Variants in HADHA observed in about 807,000 individuals in gnomAD.
HADHA encodes the protein hydroxyacyl-CoA dehydrogenase trifunctional multienzyme complex subunit alpha.
Under a neutral mutation model 91.3 loss-of-function variants are expected in HADHA, and 59 were observed. That is an observed-to-expected ratio of 0.65 (90% confidence interval 0.52 to 0.80). The LOEUF is 0.80. Ranked by LOEUF, HADHA falls within the 30% of genes least tolerant of loss-of-function variation. The pLI is 0.00. For synonymous variants in HADHA, 320 were observed against 338.9 expected, an observed-to-expected ratio of 0.94 and a Z score of 0.61; for missense variants, 800 against 927.6, an observed-to-expected ratio of 0.86 and a Z score of 1.79.
chr2:26,195,673 C>T lies in HADHA; in HGVS notation c.1480-441G>A, dbSNP rs118090758. 9.7e-4 allele frequency among the ~76,000 whole-genome samples: 147 copies of T among 152,262 alleles called. 2 individuals are homozygous for T. The East Asian group carries it at 0.025, about 26-fold the overall frequency. On this transcript the variant is annotated intron_variant, in intron 14 of 19. Transcript: ENST00000380649. ...ATTTGCATTTTACACAGATGGGTCT[C>T]ACCACCAGGATACTAGGTTTAACTA...
chr2:26,202,249 C>A (rs1441281572), intron 12 of HADHA, among the ~76,000 whole-genome samples: 1 of 152,124 alleles, frequency 6.6e-6, no homozygotes, highest in Non-Finnish European at 1.5e-5. Flanking sequence ...GAAAAGGATT[C>A]CTGTTATTCA....
chr2:26,195,257 C>G (rs1450217881), intron 14 of HADHA, 25 bp from the exon 15 acceptor site: 2 of 1,605,478 alleles, frequency 1.2e-6, no homozygotes, highest in Non-Finnish European at 8.5e-7. Context: ...CAAAAGCCAA[C>G]AGATCGGAGA....
rs1267615713 is a variant in HADHA, at chr2:26,194,614, TG to T, written c.1644del (p.Arg549GlyfsTer6). 1 of 1,611,946 alleles carries T rather than the reference TG, an allele frequency of 6.2e-7. No individual in the cohort carries two copies. The highest frequency in any genetic ancestry group is 1.7e-5 in the Admixed American group (1 of 60,004). On this transcript the variant is annotated frameshift_variant, in exon 16 of 20. Coordinates refer to ENST00000380649, the MANE Select transcript of HADHA (RefSeq NM_000182.5). LOFTEE classifies it high-confidence loss of function. ...TCAGACATCATGGGCGCAAGACACC[TG>T]GTAGTATAGAAGCCAGGTCCATCCT... ...VVKDGPGFYT[T>X]RCLAPMMSEV...
rs1373370048 is a variant in HADHA at position 26,221,695 on chromosome 2, T to C, written c.677-6520A>G. Among the ~76,000 whole-genome samples the C allele has an allele frequency of 1.3e-5, 2 of 152,136 alleles. No individual in the cohort carries two copies. The highest frequency in any genetic ancestry group is 2.9e-5 in the Non-Finnish European group (2 of 68,030). On this transcript the variant is annotated intron_variant, in intron 7 of 19. Transcript: ENST00000380649. This position sits in a 1 kb window ranked among gnomAD's most constrained non-coding sequence, Gnocchi z 4.8. ...GGGGAGTTCTCTATGGCCAGTTGATTGGTAAAGAAAAACTCAGGCCTGGTT... is the reference window on the plus strand; with the variant it reads ...GGGGAGTTCTCTATGGCCAGTTGATCGGTAAAGAAAAACTCAGGCCTGGTT...
At chr2:26,200,926 G>T (rs1030802386) in intron 13 of HADHA, among the ~76,000 whole-genome samples, 3 of 151,992 alleles carry the variant, frequency 2.0e-5, no homozygotes, top group African/African-American at 7.3e-5. Flanking sequence ...TAGAGATGGG[G>T]TTTCATCATA....
chr2:26,232,476 A>G (rs1320883308), intron 5 of HADHA, among the ~76,000 whole-genome samples, 197 bp from the exon 6 acceptor site: 4 of 152,244 alleles, frequency 2.6e-5, no homozygotes, highest in Admixed American at 2.0e-4. Flanking sequence ...TAATTTACTA[A>G]CCTCTTTTTG....
intron 7 of HADHA, among the ~76,000 whole-genome samples, chr2:26,225,583 T>C (rs1032511734): frequency 6.6e-6 from 1 of 152,140 alleles, no homozygotes; most frequent in Admixed American, 6.5e-5. Context: ...GAAGCAAGGC[T>C]AGTTCAATAT....
At chr2:26,203,938 A>T in intron 12 of HADHA, 124 bp downstream of exon 12, 1 of 955,050 alleles carries the variant, frequency 1.0e-6, no homozygotes, top group Non-Finnish European at 1.7e-6. Flanking sequence ...CATTATGTTC[A>T]GGAAAAAGGA....
At chr2:26,200,764 G>A (rs980969206) in intron 13 of HADHA, among the ~76,000 whole-genome samples, 2 of 148,414 alleles carry the variant, frequency 1.3e-5, no homozygotes, top group African/African-American at 5.0e-5. Context: ...ATGGAGTCTC[G>A]CTCTGTCACC....
intron 1 of HADHA, among the ~76,000 whole-genome samples, chr2:26,242,743 A>G (rs1486466968): frequency 6.6e-6 from 1 of 152,166 alleles, no homozygotes; most frequent in African/African-American, 2.4e-5. Flanking sequence ...CAGAAGTCAG[A>G]CTCCAAACAA....
chr2:26,227,733 G>A (rs1490177620), intron 7 of HADHA, among the ~76,000 whole-genome samples: 1 of 152,122 alleles, frequency 6.6e-6, no homozygotes, highest in African/African-American at 2.4e-5. Context: ...TTCTTGGGAG[G>A]CTGAGGCAGG....
intron 5 of HADHA, 22 bp downstream of exon 5, chr2:26,234,195 A>C (rs1266508295): frequency 6.2e-7 from 1 of 1,609,558 alleles, no homozygotes; most frequent in African/African-American, 1.3e-5. Flanking sequence ...ACAGTGTCTC[A>C]ATAACTTTAG....
intron 11 of HADHA, among the ~76,000 whole-genome samples, chr2:26,209,545 G>A (rs1037313606): frequency 6.6e-6 from 1 of 152,174 alleles, no homozygotes; most frequent in Non-Finnish European, 1.5e-5. Flanking sequence ...ACATCAATAT[G>A]TGACAAGAAA....
intron 5 of HADHA, among the ~76,000 whole-genome samples, chr2:26,233,875 G>A (rs1339846509): frequency 6.6e-6 from 1 of 152,214 alleles, no homozygotes; most frequent in East Asian, 1.9e-4. Context: ...GAGGTCAGGA[G>A]TTTGAGACCA....
Position 26,204,214 on chromosome 2 carries a change from AATGACTTTCGGTAAACTG to A in HADHA, c.1086-36_1086-19del. On this transcript the variant is annotated intron_variant, in intron 11 of 19. Coordinates refer to ENST00000380649, the MANE Select transcript of HADHA (RefSeq NM_000182.5). ...CCAGATGCCTGCAAGGCAAGGATGAAATGACTTTCGGTAAACTGATCTTAATCATTTCAGTCAAAGTGG... is the reference window on the plus strand; with the variant it reads ...CCAGATGCCTGCAAGGCAAGGATGAAATCTTAATCATTTCAGTCAAAGTGG... 2.5e-6 allele frequency: 4 copies of A among 1,613,236 alleles called. No individual in the cohort carries two copies. The highest frequency in any genetic ancestry group is 3.4e-6 in the Non-Finnish European group (4 of 1,179,138).
chr2:26,238,970 A>T lies in HADHA; in HGVS notation c.144T>A (p.Asp48Glu). ...GAGAGTTAATTCGAACAACTGCCAC[A>T]TCCCCTTTGACTCCATAGTTAATAT... The part of the protein sequence containing the change: ...RTHINYGVKG[D>E]VAVVRINSPN... Residue 48 changes from aspartate (D) to glutamate (E), a missense_variant, in exon 3 of 20, where the codon GAT becomes GAA. Transcript: ENST00000380649. 2 of 1,609,868 alleles carry T rather than the reference A, an allele frequency of 1.2e-6. No individual in the cohort carries two copies. The highest frequency in any genetic ancestry group is 1.7e-6 in the Non-Finnish European group (2 of 1,176,778).
rs886055861 is a variant in HADHA, at chr2:26,190,873, GAC to G, written c.*375_*376del. ...TTTAAACCAGAAGGGCAAAGATGCT[GAC>G]ACAGAGTTTGGTTTTTATTGTTATG... On this transcript the variant is annotated 3_prime_UTR_variant, in exon 20 of 20. Coordinates refer to ENST00000380649, the MANE Select transcript of HADHA (RefSeq NM_000182.5). 1.2e-5 allele frequency: 4 copies of G among 333,320 alleles called. No homozygotes were observed. The highest frequency in any genetic ancestry group is 6.5e-5 in the South Asian group (2 of 30,576). 20.6% of individuals were successfully genotyped at this position (333,320 alleles called of 1,614,324 possible). A position where few individuals can be genotyped will look rare whatever the true frequency, so the allele number is the denominator to read the frequency against.
At position 26,194,641 on chromosome 2, in the gene HADHA, G is replaced by C; in HGVS notation, c.1621-3C>G. ...GTAGTATAGAAGCCAGGTCCATCCT[G>C]CCAAGGAAGAGAACATGAGCTCCCT... On this transcript the variant is annotated splice_region_variant and splice_polypyrimidine_tract_variant and intron_variant, in intron 15 of 19. Coordinates refer to ENST00000380649, the MANE Select transcript of HADHA (RefSeq NM_000182.5). The C allele has an allele frequency of 6.2e-7, 1 of 1,602,360 alleles. No homozygotes were observed. Among genetic ancestry groups the C allele is most frequent in the Non-Finnish European group, 8.5e-7 (1 of 1,169,882 alleles).
chr2:26,219,271 G>C (rs1670313041), intron 7 of HADHA, among the ~76,000 whole-genome samples: 1 of 151,824 alleles, frequency 6.6e-6, no homozygotes, highest in African/African-American at 2.4e-5. Context: ...TGGGATTACA[G>C]ATGTGCCACC....
Sources: allele counts gnomAD v4.1 joint callset (sites outside exome capture counted in the v4.1 genomes callset), GRCh38; gene constraint gnomAD v4.1.1; non-coding constraint Gnocchi (gnomAD v3.1); transcripts MANE v1.5; gene names NCBI Gene and HGNC (gene_info 2026-07-23, HGNC 2026-07-21).